Variants in CCDC149 observed in about 807,000 individuals in gnomAD.
CCDC149 encodes the protein coiled-coil domain-containing protein 149.
In CCDC149, 45 loss-of-function variants were observed where a neutral mutation model predicts 59.9. That is an observed-to-expected ratio of 0.75 (90% CI 0.59 to 0.96). The LOEUF is 0.96. Among genes scored for constraint, CCDC149 ranks in the 40% least tolerant of loss-of-function variants. CCDC149 has a pLI of 0.00. For synonymous variants in CCDC149, 245 were observed against 260.6 expected, an observed-to-expected ratio of 0.94 and a Z score of 0.58; for missense variants, 584 against 664.7, an observed-to-expected ratio of 0.88 and a Z score of 1.33.
chr4:24,880,317 G>A (rs143165065), intron 1 of CCDC149, among the ~76,000 whole-genome samples: 4 of 152,310 alleles, frequency 2.6e-5, no homozygotes, highest in Admixed American at 1.3e-4. Flanking sequence ...CATGCAGTAC[G>A]CTGTGCCATC....
chr4:24,891,017 G>A (rs1050930720), intron 1 of CCDC149, among the ~76,000 whole-genome samples: 5 of 152,202 alleles, frequency 3.3e-5, no homozygotes, highest in Non-Finnish European at 5.9e-5. Context: ...CTCCCCAGCC[G>A]AGCCCTGTGG....
intron 4 of CCDC149, among the ~76,000 whole-genome samples, chr4:24,841,365 A>C (rs1318262958): frequency 2.0e-5 from 3 of 152,240 alleles, no homozygotes; most frequent in Admixed American, 6.5e-5. Context: ...TTAATTATTA[A>C]ACATGTTTAT....
At chr4:24,841,147 T>A (rs1422181769) in intron 4 of CCDC149, among the ~76,000 whole-genome samples, 1 of 152,212 alleles carries the variant, frequency 6.6e-6, no homozygotes, top group East Asian at 1.9e-4. Flanking sequence ...GATCTGAGGG[T>A]CTAGGAACAA....
At chr4:24,869,027 A>G (rs800376) in intron 3 of CCDC149, among the ~76,000 whole-genome samples, 132,525 of 152,286 alleles carry the variant, frequency 0.87, 57,697 homozygotes, top group South Asian at 0.91. Flanking sequence ...AGCAGCCGGC[A>G]CTTGGTAAGA....
intron 1 of CCDC149, among the ~76,000 whole-genome samples, chr4:24,949,622 C>T (rs531492036): frequency 7.6e-4 from 116 of 152,288 alleles, no homozygotes; most frequent in African/African-American, 2.5e-3. Context: ...GGCTTACACA[C>T]ATTTGCAAAC....
chr4:24,906,496 G>T (rs1481875324), intron 1 of CCDC149, among the ~76,000 whole-genome samples: 4 of 151,628 alleles, frequency 2.6e-5, no homozygotes, highest in African/African-American at 9.7e-5. Flanking sequence ...CTGCTTCCTG[G>T]GTTCAAGCAA....
At chr4:24,884,674 C>T (rs536344654) in intron 1 of CCDC149, among the ~76,000 whole-genome samples, 15 of 152,270 alleles carry the variant, frequency 9.9e-5, no homozygotes, top group South Asian at 2.1e-4. Context: ...CACTCACTAG[C>T]GACATGATCA....
rs186382640 is a variant in CCDC149, at chr4:24,825,714, A to G, written c.966-3141T>C. Reference sequence around the variant, plus strand: ...CGTGAACCCAGGAGGCAGAGCTTGTAGTGAGCCGAGATAGCGCCACTGCAC... The same window carrying G: ...CGTGAACCCAGGAGGCAGAGCTTGTGGTGAGCCGAGATAGCGCCACTGCAC... On this transcript the variant is annotated intron_variant, in intron 9 of 12. Transcript: ENST00000635206. Among the ~76,000 whole-genome samples the G allele has an allele frequency of 2.4e-3, 360 of 151,320 alleles. 1 individual carries two copies. The highest frequency in any genetic ancestry group is 4.7e-3 in the South Asian group (22 of 4,720).
intron 1 of CCDC149, among the ~76,000 whole-genome samples, chr4:24,961,667 C>A (rs1486861528): frequency 6.6e-6 from 1 of 152,170 alleles, no homozygotes; most frequent in Non-Finnish European, 1.5e-5. Flanking sequence ...ATATCTACAA[C>A]TATCTGATCT....
intron 1 of CCDC149, among the ~76,000 whole-genome samples, chr4:24,906,892 C>T (rs562529471): frequency 3.9e-5 from 6 of 152,072 alleles, no homozygotes; most frequent in Non-Finnish European, 8.8e-5. Context: ...CCTAGAGTGA[C>T]CAAGGGCAAG....
intron 1 of CCDC149, among the ~76,000 whole-genome samples, chr4:24,945,578 G>A (rs1020045691): frequency 1.3e-5 from 2 of 151,180 alleles, no homozygotes; most frequent in African/African-American, 4.9e-5. Context: ...GTAAATGTCT[G>A]TTGTTTTAAG....
chr4:24,945,784 G>C (rs1349442134), intron 1 of CCDC149, among the ~76,000 whole-genome samples: 1 of 152,052 alleles, frequency 6.6e-6, no homozygotes, highest in African/African-American at 2.4e-5. Flanking sequence ...ACCACGCCCT[G>C]CTAATTTTTG....
chr4:24,826,249 C>T (rs748212060), intron 9 of CCDC149, among the ~76,000 whole-genome samples: 34 of 152,220 alleles, frequency 2.2e-4, no homozygotes, highest in African/African-American at 7.2e-4. Flanking sequence ...TGTGAGCCAC[C>T]GTGCCCAGCC....
At chr4:24,924,097 C>T (rs1722372009) in intron 1 of CCDC149, among the ~76,000 whole-genome samples, 1 of 152,168 alleles carries the variant, frequency 6.6e-6, no homozygotes, top group African/African-American at 2.4e-5. Context: ...TTAGTGAGAA[C>T]AGACATATGG....
At chr4:24,921,735 A>G (rs1044097373) in intron 1 of CCDC149, among the ~76,000 whole-genome samples, 1 of 152,218 alleles carries the variant, frequency 6.6e-6, no homozygotes, top group African/African-American at 2.4e-5. Context: ...TTACCCACGT[A>G]TGTGAAGGAA....
At chr4:24,874,585 C>T (rs1265171052) in intron 2 of CCDC149, among the ~76,000 whole-genome samples, 2 of 151,808 alleles carry the variant, frequency 1.3e-5, no homozygotes, top group Non-Finnish European at 2.9e-5. Context: ...CTGTCTCACA[C>T]ACACACACAA....
At chr4:24,963,427 C>T (rs1723704118) in intron 1 of CCDC149, among the ~76,000 whole-genome samples, 1 of 152,132 alleles carries the variant, frequency 6.6e-6, no homozygotes, top group Non-Finnish European at 1.5e-5. Context: ...TGGGTAGTCG[C>T]CACTAGGATT....
At chr4:24,945,178 G>A (rs1202061134) in intron 1 of CCDC149, among the ~76,000 whole-genome samples, 1 of 152,134 alleles carries the variant, frequency 6.6e-6, no homozygotes, top group Non-Finnish European at 1.5e-5. Flanking sequence ...CTACCCAGGT[G>A]TACTGAGTTG....
At chr4:24,896,882 G>A (rs866882751) in intron 1 of CCDC149, among the ~76,000 whole-genome samples, 20 of 152,256 alleles carry the variant, frequency 1.3e-4, no homozygotes, top group Middle Eastern at 3.4e-3. Context: ...CAACGTCCTC[G>A]TGTTAATTCA....
Sources: gnomAD v4.1 joint callset for allele counts (sites outside exome capture counted in the v4.1 genomes callset) on GRCh38, gnomAD v4.1.1 for gene constraint, MANE v1.5 for transcripts, NCBI Gene and HGNC (gene_info 2026-07-23, HGNC 2026-07-21) for gene names.